Variants in CDH13 observed in about 807,000 individuals in gnomAD.
CDH13 encodes cadherin-13.
Under a neutral mutation model 63.8 loss-of-function variants are expected in CDH13, and 24 were observed. The observed-to-expected ratio is 0.38, with a 90% confidence interval of 0.27 to 0.53. CDH13 has a LOEUF of 0.53. Among genes scored for constraint, CDH13 ranks in the 20% least tolerant of loss-of-function variants. The pLI is 0.85. For missense variants in CDH13, 1,049 were observed against 903.1 expected, an observed-to-expected ratio of 1.16 and a Z score of -2.07; for synonymous variants, 503 against 355.3, an observed-to-expected ratio of 1.42 and a Z score of -4.67.
At chr16:83,141,512 T>A (rs67652226) in intron 4 of CDH13, among the ~76,000 whole-genome samples, 13 of 152,084 alleles carry the variant, frequency 8.5e-5, no homozygotes, top group Non-Finnish European at 1.8e-4. Flanking sequence ...TTTGTTTGTT[T>A]GTTTTTACTT....
At chr16:82,961,032 C>T (rs1274762316) in intron 2 of CDH13, among the ~76,000 whole-genome samples, 1 of 152,174 alleles carries the variant, frequency 6.6e-6, no homozygotes, top group South Asian at 2.1e-4. Flanking sequence ...CAGTTGAGGG[C>T]CAAAGCAGAT....
intron 7 of CDH13, among the ~76,000 whole-genome samples, chr16:83,568,680 G>T (rs1272016222): frequency 1.3e-5 from 2 of 152,136 alleles, no homozygotes; most frequent in Non-Finnish European, 2.9e-5. Context: ...AGACAGAGGG[G>T]AAATTGCTTG....
intron 2 of CDH13, among the ~76,000 whole-genome samples, chr16:82,869,874 C>T (rs913956601): frequency 6.6e-5 from 10 of 152,240 alleles, no homozygotes; most frequent in East Asian, 3.9e-4. Flanking sequence ...AACTCTGAAA[C>T]GACTACATGA....
intron 5 of CDH13, among the ~76,000 whole-genome samples, chr16:83,264,732 C>G (rs1325147271): frequency 3.3e-5 from 5 of 151,680 alleles, no homozygotes; most frequent in Non-Finnish European, 2.9e-5. Flanking sequence ...CAACACCCCT[C>G]TAAACTCCTT....
chr16:83,720,445 C>T (rs1450209571), intron 10 of CDH13, among the ~76,000 whole-genome samples: 1 of 152,098 alleles, frequency 6.6e-6, no homozygotes, highest in Non-Finnish European at 1.5e-5. Context: ...TTATGCCAAG[C>T]ACAAGAGATT....
intron 8 of CDH13, among the ~76,000 whole-genome samples, chr16:83,660,047 A>T (rs1011555237): frequency 6.6e-6 from 1 of 152,026 alleles, no homozygotes; most frequent in Non-Finnish European, 1.5e-5. Flanking sequence ...TCGGCCTCCC[A>T]AAGTGCTGAG....
chr16:83,647,029 G>A (rs967367972), intron 8 of CDH13, among the ~76,000 whole-genome samples: 3 of 151,932 alleles, frequency 2.0e-5, no homozygotes, highest in African/African-American at 4.8e-5. Flanking sequence ...CAGTAACATC[G>A]GCCAGGCGCG....
rs556495349 is a variant in CDH13 at position 83,795,847 on chromosome 16, G to C, written c.*817G>C. On this transcript the variant is annotated 3_prime_UTR_variant, in exon 14 of 14. Transcript: ENST00000567109. Reference sequence around the variant, plus strand: ...TTGTATGTGTCCCGAATCCACAGTCGTACTGATTCTAATGGGGACACAGAT... The same window carrying C: ...TTGTATGTGTCCCGAATCCACAGTCCTACTGATTCTAATGGGGACACAGAT... The C allele has an allele frequency of 6.6e-6, 1 of 152,552 alleles. No individual in the cohort carries two copies. The highest frequency in any genetic ancestry group is 1.5e-5 in the Non-Finnish European group (1 of 68,032). 9.4% of individuals were successfully genotyped at this position (152,552 alleles called of 1,614,324 possible).
At chr16:83,393,637 A>C (rs1399147396) in intron 6 of CDH13, among the ~76,000 whole-genome samples, 1 of 152,228 alleles carries the variant, frequency 6.6e-6, no homozygotes, top group Non-Finnish European at 1.5e-5. Flanking sequence ...GAATGAATTT[A>C]ATCGAATCAA....
At chr16:83,013,470 C>T (rs970549339) in intron 2 of CDH13, among the ~76,000 whole-genome samples, 1 of 152,180 alleles carries the variant, frequency 6.6e-6, no homozygotes, top group African/African-American at 2.4e-5. Flanking sequence ...AGCCATGAAG[C>T]CCACGCTTCA....
In CDH13 at chr16:83,089,394, A is replaced by C. The variant is rs138704317; in HGVS notation, c.367-35991A>C. Reference sequence around the variant, plus strand: ...CCTATTGTGTGGCAGGCACTATTCTATCCATTAGGGCACAATAGTGAACGA... The same window carrying C: ...CCTATTGTGTGGCAGGCACTATTCTCTCCATTAGGGCACAATAGTGAACGA... On this transcript the variant is annotated intron_variant, in intron 3 of 13. Transcript: ENST00000567109. Among the ~76,000 whole-genome samples, 553 of 152,322 alleles carry C rather than the reference A, an allele frequency of 3.6e-3. 6 individuals carry two copies. Among genetic ancestry groups the C allele is most frequent in the African/African-American group, 0.013 (523 of 41,566 alleles).
rs186662706 is a variant in CDH13, at chr16:83,389,010, C to T, written c.781+44004C>T. Among the ~76,000 whole-genome samples, 19 of 152,286 alleles carry T rather than the reference C, an allele frequency of 1.2e-4. No individual in the cohort carries two copies. In the South Asian group the frequency reaches 3.7e-3, roughly 30 times the overall value. On this transcript the variant is annotated intron_variant, in intron 6 of 13. Transcript: ENST00000567109. The stretch of plus-strand genomic sequence containing the variant: ...GAAAAACCCATTCCCAGGCACCACC[C>T]TAAAACCAGTCAGAGCCGACAGGGA...
At chr16:83,228,236 T>C (rs73591827) in intron 5 of CDH13, among the ~76,000 whole-genome samples, 6,119 of 152,274 alleles carry the variant, frequency 0.04, 407 homozygotes, top group African/African-American at 0.14. Context: ...GGGGCTGTTA[T>C]TGCCATCTGG....
chr16:83,084,439 A>G (rs1234292104), intron 3 of CDH13, among the ~76,000 whole-genome samples: 3 of 152,212 alleles, frequency 2.0e-5, no homozygotes, highest in Non-Finnish European at 4.4e-5. Context: ...TTGTCAGAGC[A>G]TCTTTGTGGA....
chr16:83,060,146 C>G (rs12926437), intron 3 of CDH13, among the ~76,000 whole-genome samples: 34,993 of 152,004 alleles, frequency 0.23, 4,460 homozygotes, highest in Admixed American at 0.3. Context: ...ATTCCCAACT[C>G]CTCAAAAAGC....
intron 2 of CDH13, among the ~76,000 whole-genome samples, chr16:82,933,401 ATCACCAC>A (rs1423847285): frequency 1.3e-5 from 2 of 152,226 alleles, no homozygotes; most frequent in African/African-American, 4.8e-5. Flanking sequence ...TCATGATCCA[ATCACCAC>A]TCATGAGGTC....
intron 6 of CDH13, among the ~76,000 whole-genome samples, chr16:83,368,615 C>T (rs12598800): frequency 0.019 from 2,850 of 151,770 alleles, 49 homozygotes; most frequent in Admixed American, 0.05. Context: ...TTGGTGTACC[C>T]ATCACCCGAG....
intron 1 of CDH13, among the ~76,000 whole-genome samples, chr16:82,630,767 A>G (rs1391881996): frequency 6.6e-6 from 1 of 152,202 alleles, no homozygotes. Context: ...AGGACAAACT[A>G]TGGATTTAAT....
intron 2 of CDH13, among the ~76,000 whole-genome samples, chr16:82,980,621 A>G (rs1424684367): frequency 1.3e-5 from 2 of 152,304 alleles, no homozygotes; most frequent in East Asian, 3.9e-4. Flanking sequence ...ATCTAGGAAG[A>G]TAAGTTATGG....
Sources: allele counts gnomAD v4.1 joint callset (sites outside exome capture counted in the v4.1 genomes callset), GRCh38; gene constraint gnomAD v4.1.1; transcripts MANE v1.5; gene names NCBI Gene and HGNC (gene_info 2026-07-23, HGNC 2026-07-21).